Variants in LOC128462377 observed in about 807,000 individuals in gnomAD.
At chr16:89,338,825 G>A in the LOC128462377 span, among the ~76,000 whole-genome samples, 1 of 151,378 alleles carries the variant, frequency 6.6e-6, no homozygotes, top group African/African-American at 2.4e-5. Context: ...AAATCAGCCA[G>A]GCAAAACAAT....
the LOC128462377 span, among the ~76,000 whole-genome samples, chr16:89,318,738 C>T: frequency 3.9e-5 from 6 of 152,198 alleles, no homozygotes; most frequent in Non-Finnish European, 8.8e-5. Flanking sequence ...TAAAATCCCA[C>T]CAACTGCTGT....
chr16:89,340,009 A>G, the LOC128462377 span: 2 of 152,156 alleles, frequency 1.3e-5, no homozygotes, highest in African/African-American at 4.8e-5. Flanking sequence ...TTCTTATGAC[A>G]ACTGCAGTGT....
At chr16:89,337,288 G>A in the LOC128462377 span, among the ~76,000 whole-genome samples, 14 of 151,870 alleles carry the variant, frequency 9.2e-5, no homozygotes, top group African/African-American at 3.4e-4. Context: ...AGAAAGGAGA[G>A]GACTTCAGGT....
chr16:89,366,003 C>T, the LOC128462377 span, among the ~76,000 whole-genome samples: 2 of 151,960 alleles, frequency 1.3e-5, no homozygotes, highest in Non-Finnish European at 2.9e-5. Context: ...GGATAAGGGC[C>T]TCCAGGCTCT....
the LOC128462377 span, among the ~76,000 whole-genome samples, chr16:89,357,308 C>T: frequency 3.9e-5 from 6 of 152,182 alleles, no homozygotes; most frequent in East Asian, 1.2e-3. Flanking sequence ...AGGGACTGTG[C>T]TCACCACGTG....
the LOC128462377 span, among the ~76,000 whole-genome samples, chr16:89,363,767 G>C: frequency 2.0e-5 from 3 of 152,168 alleles, no homozygotes; most frequent in African/African-American, 7.2e-5. Flanking sequence ...TCAGGAAGTG[G>C]AGTGCTAGCC....
the LOC128462377 span, among the ~76,000 whole-genome samples, chr16:89,343,460 G>C: frequency 6.6e-6 from 1 of 152,170 alleles, no homozygotes; most frequent in African/African-American, 2.4e-5. Flanking sequence ...TAAAAGCCAG[G>C]GTACACAGGT....
chr16:89,358,361 C>A, the LOC128462377 span, among the ~76,000 whole-genome samples: 8 of 152,246 alleles, frequency 5.3e-5, no homozygotes, highest in Admixed American at 2.0e-4. Context: ...ACAGCTTCCA[C>A]GTTTGCAAAC....
the LOC128462377 span, among the ~76,000 whole-genome samples, chr16:89,346,435 T>C: frequency 9.2e-5 from 14 of 152,096 alleles, no homozygotes; most frequent in African/African-American, 2.4e-4. Flanking sequence ...AATAATCACA[T>C]AGAAAATAAC....
At chr16:89,410,539 A>G in the LOC128462377 span, among the ~76,000 whole-genome samples, 2 of 152,156 alleles carry the variant, frequency 1.3e-5, no homozygotes, top group African/African-American at 4.8e-5. Context: ...CCCGGGCTAC[A>G]AAGGCCACCC....
At chr16:89,411,284 C>T in the LOC128462377 span, among the ~76,000 whole-genome samples, 2 of 151,620 alleles carry the variant, frequency 1.3e-5, no homozygotes, top group Non-Finnish European at 2.9e-5. Context: ...ACTTGCAGCC[C>T]TGTGCCAGCA....
the LOC128462377 span, among the ~76,000 whole-genome samples, chr16:89,351,746 GGAACAAGGA>G: frequency 6.6e-6 from 1 of 152,170 alleles, no homozygotes; most frequent in African/African-American, 2.4e-5. Context: ...GGCTGCAGGG[GGAACAAGGA>G]GTGACGATTA....
the LOC128462377 span, among the ~76,000 whole-genome samples, chr16:89,412,781 C>A: frequency 6.6e-6 from 1 of 152,114 alleles, no homozygotes. Context: ...CCATGAGAAT[C>A]ACTGTAGTTA....
the LOC128462377 span, among the ~76,000 whole-genome samples, chr16:89,346,146 G>A: frequency 6.6e-6 from 1 of 151,654 alleles, no homozygotes; most frequent in Non-Finnish European, 1.5e-5. Flanking sequence ...CTACTCGGGA[G>A]GCTGAGGCAG....
At chr16:89,320,852 C>A in the LOC128462377 span, among the ~76,000 whole-genome samples, 1 of 152,258 alleles carries the variant, frequency 6.6e-6, no homozygotes, top group South Asian at 2.1e-4. Flanking sequence ...CTGCGAGAGC[C>A]CCTGCAGCCC....
the LOC128462377 span, among the ~76,000 whole-genome samples, chr16:89,372,015 G>C: frequency 6.6e-6 from 1 of 152,236 alleles, no homozygotes; most frequent in Non-Finnish European, 1.5e-5. Context: ...CACGGGCCAA[G>C]AACATGGTGA....
chr16:89,368,908 A>T, the LOC128462377 span, among the ~76,000 whole-genome samples: 2 of 152,146 alleles, frequency 1.3e-5, no homozygotes, highest in African/African-American at 4.8e-5. Context: ...CCAAAAATTT[A>T]AAAAATGGGC....
the LOC128462377 span, among the ~76,000 whole-genome samples, chr16:89,368,402 T>TTTTTA: frequency 2.1e-5 from 2 of 94,764 alleles, no homozygotes; most frequent in African/African-American, 4.0e-5. Context: ...TTTTTTTTTT[T>TTTTTA]AGTAGAGATG....
the LOC128462377 span, among the ~76,000 whole-genome samples, chr16:89,388,724 G>A: frequency 6.6e-6 from 1 of 152,160 alleles, no homozygotes; most frequent in South Asian, 2.1e-4. Flanking sequence ...AGAAGAGCCG[G>A]CAGGTCCCGG....
Sources: allele counts gnomAD v4.1 joint callset (sites outside exome capture counted in the v4.1 genomes callset), GRCh38; gene constraint gnomAD v4.1.1; transcripts MANE v1.5.